The following CFAP161 variants were observed in gnomAD, a reference collection of about 807,000 sequenced individuals.
The protein encoded by CFAP161 is cilia and flagella associated protein 161.
CFAP161 carries 25 observed loss-of-function variants against 29.0 expected under a neutral mutation model. The ratio of observed to expected loss-of-function variants is 0.86; its 90% CI spans 0.63 to 1.20. The LOEUF (loss-of-function observed/expected upper bound fraction) is 1.20. CFAP161 is among the 50% of genes most tolerant of loss of function. The probability of loss-of-function intolerance (pLI) is 0.00; values close to 1 mark genes in which losing one functional copy is unlikely to be tolerated. For missense variants in CFAP161, 367 were observed against 371.9 expected (o/e 0.99, Z 0.11); for synonymous variants, 116 against 137.4 (o/e 0.84, Z 1.09).
chr15:81,129,435 G>A (rs560780986), upstream of CFAP161, among the ~76,000 whole-genome samples: 1 of 152,222 alleles, frequency 6.6e-6, no homozygotes, highest in South Asian at 2.1e-4. Context: ...CATCTCACAT[G>A]GTGGCAGACA....
At chr15:81,146,846 A>T (rs1256031247) in intron 5 of CFAP161, among the ~76,000 whole-genome samples, 2 of 32,366 alleles carry the variant, frequency 6.2e-5, no homozygotes, top group Non-Finnish European at 9.6e-5. Context: ...ATATATATAT[A>T]TATATATATA....
At chr15:81,101,935 C>T (rs1395340427) in intron 1 of CFAP161, among the ~76,000 whole-genome samples, 1 of 152,114 alleles carries the variant, frequency 6.6e-6, no homozygotes, top group Non-Finnish European at 1.5e-5. Flanking sequence ...ACCTCACTAC[C>T]TCACTGCAGA....
chr15:81,128,940 C>T (rs1027467631), intron 2 of CFAP161, among the ~76,000 whole-genome samples: 1 of 144,054 alleles, frequency 6.9e-6, no homozygotes, highest in Non-Finnish European at 1.5e-5. Flanking sequence ...GACAACACAG[C>T]AGGACTCTGT....
At chr15:81,145,232 G>C (rs1335732316) in intron 5 of CFAP161, among the ~76,000 whole-genome samples, 1 of 152,212 alleles carries the variant, frequency 6.6e-6, no homozygotes, top group Non-Finnish European at 1.5e-5. Flanking sequence ...CTTTCTCTGA[G>C]CATGGAGGAC....
chr15:81,108,499 G>T (rs1026172448), intron 1 of CFAP161, among the ~76,000 whole-genome samples: 2 of 152,082 alleles, frequency 1.3e-5, no homozygotes, highest in African/African-American at 4.8e-5. Context: ...CCTCCTGAGG[G>T]GCTTGTGGTC....
intron 1 of CFAP161, among the ~76,000 whole-genome samples, 183 bp from the exon 2 acceptor site, chr15:81,135,087 C>T (rs566954173): frequency 8.5e-5 from 13 of 152,282 alleles, no homozygotes; most frequent in Non-Finnish European, 1.6e-4. Flanking sequence ...TTTTTCTAAA[C>T]ATTCTATAAT....
rs537589761 is a variant in CFAP161 at position 81,149,071 on chromosome 15, G to A, written c.*538G>A. On this transcript the variant is annotated 3_prime_UTR_variant, in exon 7 of 7. Transcript: ENST00000286732. The stretch of plus-strand genomic sequence containing the variant: ...GATCAGTAACCTATTATTTTGTAAT[G>A]ATTTTTAAGCTGCAGAATCTCTACC... 6.6e-6 allele frequency: 1 copy of A among 152,380 alleles called. No individual in the cohort carries two copies. Among genetic ancestry groups the A allele is most frequent in the East Asian group, 1.9e-4 (1 of 5,190 alleles). The allele number at this position is 152,380 out of a possible 1,614,324, so 9.4% of individuals were successfully genotyped here. A position where few individuals can be genotyped will look rare whatever the true frequency, so the allele number is the denominator to read the frequency against.
intron 3 of CFAP161, among the ~76,000 whole-genome samples, chr15:81,137,096 A>ATT (rs370003742): frequency 0.01 from 1,560 of 149,072 alleles, 19 homozygotes; most frequent in African/African-American, 0.021. Context: ...TAATACGGCT[A>ATT]TTTTTTTTTT....
At chr15:81,100,691 C>CCT (rs71451564) in intron 1 of CFAP161, among the ~76,000 whole-genome samples, 2 of 118,458 alleles carry the variant, frequency 1.7e-5, no homozygotes, top group African/African-American at 2.9e-5. Flanking sequence ...ATTTCCTTTT[C>CCT]CTCTCTCTCT....
At chr15:81,144,253 G>A (rs939719714) in intron 5 of CFAP161, among the ~76,000 whole-genome samples, 1 of 152,204 alleles carries the variant, frequency 6.6e-6, no homozygotes, top group Non-Finnish European at 1.5e-5. Context: ...TTGTGACACT[G>A]CTTCCTTCGC....
At chr15:81,141,385 T>C (rs1894905875) in intron 4 of CFAP161, among the ~76,000 whole-genome samples, 1 of 152,242 alleles carries the variant, frequency 6.6e-6, no homozygotes, top group South Asian at 2.1e-4. Context: ...ATAAGAAGGC[T>C]ATTGATTTTT....
upstream of CFAP161, among the ~76,000 whole-genome samples, chr15:81,130,843 A>G (rs113964728): frequency 6.6e-6 from 1 of 152,258 alleles, no homozygotes; most frequent in East Asian, 1.9e-4. Flanking sequence ...AGGCCTGAGG[A>G]GAGGGAGAGA....
At chr15:81,102,811 G>A (rs941751417) in intron 1 of CFAP161, among the ~76,000 whole-genome samples, 5 of 152,226 alleles carry the variant, frequency 3.3e-5, no homozygotes, top group African/African-American at 1.2e-4. Flanking sequence ...TCACATGCCA[G>A]GACAGATGAT....
At chr15:81,142,855 G>C (rs1894934741) in intron 4 of CFAP161, among the ~76,000 whole-genome samples, 1 of 152,218 alleles carries the variant, frequency 6.6e-6, no homozygotes, top group Non-Finnish European at 1.5e-5. Flanking sequence ...CAAGGTTACA[G>C]GCAGCCAGAT....
intron 1 of CFAP161, among the ~76,000 whole-genome samples, chr15:81,123,650 A>G (rs1043840322): frequency 2.0e-5 from 3 of 152,222 alleles, no homozygotes; most frequent in Non-Finnish European, 4.4e-5. Flanking sequence ...TTTTGATGAC[A>G]TTGATTCTTC....
intron 1 of CFAP161, among the ~76,000 whole-genome samples, chr15:81,119,771 C>T (rs1298133010): frequency 6.6e-6 from 1 of 152,048 alleles, no homozygotes; most frequent in Non-Finnish European, 1.5e-5. Context: ...TGATCAAAAC[C>T]CAATCACAGG....
At chr15:81,115,118 AG>A (rs1244933158) in intron 1 of CFAP161, among the ~76,000 whole-genome samples, 3 of 152,116 alleles carry the variant, frequency 2.0e-5, no homozygotes, top group African/African-American at 7.2e-5. Context: ...CTTTTGTGCA[AG>A]GTTGTGGTTT....
rs908749924 is a variant in CFAP161, at chr15:81,118,375, C to T, written c.-141-9215C>T. On this transcript the variant is annotated intron_variant, in intron 1 of 4. Transcript: ENST00000560091. ...ACACTCTTACATCTCAGCTGAAAAA[C>T]GTCGAGCACGCCAGGTAAACCTGAT... The T allele has an allele frequency of 2.0e-4, 52 of 258,192 alleles. 1 individual carries two copies. Among genetic ancestry groups the T allele is most frequent in the African/African-American group, 1.2e-3 (50 of 43,468 alleles). The allele number at this position is 258,192 out of a possible 1,614,324, so 16.0% of individuals were successfully genotyped here.
intron 1 of CFAP161, chr15:81,117,816 C>G (rs564082871): frequency 3.1e-6 from 1 of 327,602 alleles, no homozygotes; most frequent in East Asian, 9.9e-5. Flanking sequence ...CTTCATCTTC[C>G]TCTTCATCCA....
Sources: allele counts gnomAD v4.1 joint callset (sites outside exome capture counted in the v4.1 genomes callset), GRCh38; gene constraint gnomAD v4.1.1; transcripts MANE v1.5; gene names NCBI Gene and HGNC (gene_info 2026-07-23, HGNC 2026-07-21).